Variants in KCNH1 observed in about 807,000 individuals in gnomAD.
KCNH1 encodes voltage-gated delayed rectifier potassium channel KCNH1.
A neutral mutation model predicts 69.2 loss-of-function variants in KCNH1; 27 were observed. The observed-to-expected ratio is 0.39, with a 90% CI of 0.29 to 0.54. The LOEUF (loss-of-function observed/expected upper bound fraction) is 0.54. Among genes scored for constraint, KCNH1 ranks in the 20% least tolerant of loss-of-function variants. The pLI, the probability that KCNH1 is intolerant of heterozygous loss-of-function variation, is 0.68. For missense variants in KCNH1, 798 were observed against 1,261.6 expected (o/e 0.63, Z 5.57); for synonymous variants, 456 against 487.7 (o/e 0.93, Z 0.86).
intron 10 of KCNH1, among the ~76,000 whole-genome samples, chr1:210,698,849 C>T (rs937720481): frequency 2.6e-5 from 4 of 152,218 alleles, no homozygotes; most frequent in South Asian, 2.1e-4. Context: ...CTGAGGGCTG[C>T]AGCGCCTGCC....
intron 5 of KCNH1, among the ~76,000 whole-genome samples, chr1:211,076,118 G>A (rs1454399725): frequency 6.6e-6 from 1 of 152,248 alleles, no homozygotes; most frequent in Non-Finnish European, 1.5e-5. Flanking sequence ...GTTCAGCAAG[G>A]CCTACTGCCT....
intron 5 of KCNH1, among the ~76,000 whole-genome samples, chr1:211,031,848 C>G (rs1466659206): frequency 6.6e-6 from 1 of 152,078 alleles, no homozygotes; most frequent in Non-Finnish European, 1.5e-5. Flanking sequence ...TGAAAACTGG[C>G]GCAAGACAGG....
At chr1:211,057,701 A>AAG (rs139632604) in intron 5 of KCNH1, among the ~76,000 whole-genome samples, 15 of 150,600 alleles carry the variant, frequency 1.0e-4, no homozygotes, top group Admixed American at 2.0e-4. Flanking sequence ...GAGAGAAAGA[A>AAG]AGAGAGAGAG....
intron 7 of KCNH1, among the ~76,000 whole-genome samples, chr1:210,917,504 A>C (rs1046670037): frequency 6.6e-6 from 1 of 151,980 alleles, no homozygotes; most frequent in South Asian, 2.1e-4. Flanking sequence ...AAACAAAAAA[A>C]CCCCCAACTA....
At chr1:210,762,842 A>G (rs544476986) in intron 10 of KCNH1, among the ~76,000 whole-genome samples, 28 of 152,244 alleles carry the variant, frequency 1.8e-4, no homozygotes, top group Admixed American at 1.6e-3. Context: ...TTAAAAATCA[A>G]GGAGGAGGGA....
chr1:211,051,887 A>G (rs1006609763), intron 5 of KCNH1, among the ~76,000 whole-genome samples: 2 of 152,158 alleles, frequency 1.3e-5, no homozygotes, highest in Admixed American at 6.5e-5. Context: ...GCTGGAATGT[A>G]GTGGAGCTTT....
At chr1:210,751,871 C>T (rs1047245544) in intron 10 of KCNH1, among the ~76,000 whole-genome samples, 1 of 152,038 alleles carries the variant, frequency 6.6e-6, no homozygotes, top group African/African-American at 2.4e-5. Context: ...AAACCATAGG[C>T]GATACCTGCT....
chr1:211,042,050 T>C (rs538046257), intron 5 of KCNH1, among the ~76,000 whole-genome samples: 64 of 152,288 alleles, frequency 4.2e-4, no homozygotes, highest in African/African-American at 1.4e-3. Flanking sequence ...TCAGTGCACT[T>C]GGCCCACCCA....
intron 7 of KCNH1, among the ~76,000 whole-genome samples, chr1:210,804,477 G>A (rs1259724462): frequency 2.0e-5 from 3 of 152,200 alleles, no homozygotes; most frequent in Non-Finnish European, 4.4e-5. Context: ...GGGTTGCGGG[G>A]GCGGGGTAAG....
chr1:210,798,254 T>C (rs1482755395), intron 8 of KCNH1, among the ~76,000 whole-genome samples: 1 of 152,108 alleles, frequency 6.6e-6, no homozygotes, highest in Non-Finnish European at 1.5e-5. Context: ...TTAGCCAGGA[T>C]GGTCTCGATC....
chr1:210,799,771 C>T (rs1267201868), intron 8 of KCNH1, among the ~76,000 whole-genome samples: 3 of 152,188 alleles, frequency 2.0e-5, no homozygotes, highest in South Asian at 2.1e-4. Flanking sequence ...AGCCATTTGC[C>T]ACTATATCTG....
intron 5 of KCNH1, among the ~76,000 whole-genome samples, chr1:211,055,077 A>C (rs527541940): frequency 6.6e-6 from 1 of 152,184 alleles, no homozygotes; most frequent in Non-Finnish European, 1.5e-5. Context: ...TATCCACACA[A>C]AAAAAGCACC....
chr1:210,896,496 C>T (rs1251526095), intron 7 of KCNH1, among the ~76,000 whole-genome samples: 1 of 152,096 alleles, frequency 6.6e-6, no homozygotes, highest in Non-Finnish European at 1.5e-5. Context: ...TCTGTATCTA[C>T]ATTAGATAGA....
chr1:211,019,507 T>C (rs1689551418), intron 5 of KCNH1, among the ~76,000 whole-genome samples: 1 of 152,262 alleles, frequency 6.6e-6, no homozygotes, highest in African/African-American at 2.4e-5. Context: ...ACATTTATTC[T>C]ATTACACCTT....
intron 5 of KCNH1, among the ~76,000 whole-genome samples, chr1:211,043,503 C>G (rs1690039926): frequency 6.6e-6 from 1 of 152,092 alleles, no homozygotes; most frequent in Non-Finnish European, 1.5e-5. Context: ...CAGACAAATT[C>G]ACAGCTGAAT....
chr1:210,837,727 G>A (rs553831378), intron 7 of KCNH1, among the ~76,000 whole-genome samples: 38 of 152,204 alleles, frequency 2.5e-4, no homozygotes, highest in African/African-American at 8.4e-4. Context: ...TAGGCTATAC[G>A]ATTTAGGGCA....
intron 7 of KCNH1, among the ~76,000 whole-genome samples, chr1:210,836,341 A>G (rs1333084205): frequency 6.6e-6 from 1 of 152,128 alleles, no homozygotes; most frequent in Non-Finnish European, 1.5e-5. Flanking sequence ...CTGAAATCTA[A>G]TTTAAGAGAT....
At chr1:210,777,797 C>A (rs1243984721) in intron 9 of KCNH1, among the ~76,000 whole-genome samples, 1 of 152,200 alleles carries the variant, frequency 6.6e-6, no homozygotes, top group Non-Finnish European at 1.5e-5. Context: ...TACACACATG[C>A]TGCAACTCAC....
intron 5 of KCNH1, among the ~76,000 whole-genome samples, chr1:211,030,132 G>A (rs1689756258): frequency 1.3e-5 from 2 of 152,198 alleles, no homozygotes; most frequent in South Asian, 4.1e-4. Context: ...GCTGGCAAGA[G>A]TTTTTGTAGA....
Sources: allele counts gnomAD v4.1 joint callset (sites outside exome capture counted in the v4.1 genomes callset), GRCh38; gene constraint gnomAD v4.1.1; transcripts MANE v1.5; gene names NCBI Gene and HGNC (gene_info 2026-07-23, HGNC 2026-07-21).